Variants in KRCC1 observed in about 807,000 individuals in gnomAD.
KRCC1 encodes the protein lysine-rich coiled-coil protein 1.
A neutral mutation model predicts 7.4 loss-of-function variants in KRCC1; 3 were observed. The ratio of observed to expected loss-of-function variants is 0.40; its 90% confidence interval spans 0.18 to 1.04. The LOEUF is 1.04. Among genes scored for constraint, KRCC1 ranks in the 50% least tolerant of loss-of-function variants. The probability of loss-of-function intolerance (pLI) is 0.33; values close to 1 mark genes in which losing one functional copy is unlikely to be tolerated. For missense variants in KRCC1, 277 were observed against 300.9 expected (o/e 0.92, Z 0.59); for synonymous variants, 102 against 101.6 (o/e 1.00, Z -0.02).
At chr2:88,051,749 G>C (rs536675793) in intron 1 of KRCC1, among the ~76,000 whole-genome samples, 3 of 152,040 alleles carry the variant, frequency 2.0e-5, no homozygotes, top group African/African-American at 7.3e-5. Flanking sequence ...AGCCATTATA[G>C]GTCAAAGTTT....
intron 1 of KRCC1, among the ~76,000 whole-genome samples, chr2:88,046,534 G>A (rs1318727236): frequency 1.3e-5 from 2 of 152,228 alleles, no homozygotes; most frequent in African/African-American, 4.8e-5. Flanking sequence ...CCATAAACAA[G>A]GCAGAAGTAT....
At chr2:88,037,351 T>A (rs1673110750) in intron 1 of KRCC1, among the ~76,000 whole-genome samples, 1 of 152,242 alleles carries the variant, frequency 6.6e-6, no homozygotes, top group South Asian at 2.1e-4. Flanking sequence ...TGGCATTTTA[T>A]GTTTTAAAGC....
chr2:88,036,944 T>A lies in KRCC1; in HGVS notation c.-183A>T, dbSNP rs986141232. The A allele has an allele frequency of 3.3e-5, 5 of 152,176 alleles. No homozygotes were observed. Among genetic ancestry groups the A allele is most frequent in the Non-Finnish European group, 7.3e-5 (5 of 68,032 alleles). The allele number at this position is 152,176 out of a possible 1,614,324, so 9.4% of individuals were successfully genotyped here. Reference sequence around the variant, plus strand: ...ATATTCCTTCTATTTTCAACCTACCTCATAATGCAAAATCCTTTGTTATTT... The same window carrying A: ...ATATTCCTTCTATTTTCAACCTACCACATAATGCAAAATCCTTTGTTATTT... On this transcript the variant is annotated splice_region_variant and 5_prime_UTR_variant, in exon 2 of 4. It introduces an in-frame stop codon into an upstream open reading frame of the 5' UTR. Transcript: ENST00000347055.
At chr2:88,033,867 C>G (rs1185146127) in intron 3 of KRCC1, among the ~76,000 whole-genome samples, 1 of 152,078 alleles carries the variant, frequency 6.6e-6, no homozygotes, top group Non-Finnish European at 1.5e-5. Flanking sequence ...TATGTCCATG[C>G]AAGAAGTTGT....
At chr2:88,042,453 G>C (rs1404074485) in intron 1 of KRCC1, among the ~76,000 whole-genome samples, 1 of 117,714 alleles carries the variant, frequency 8.5e-6, no homozygotes, top group African/African-American at 3.3e-5. Flanking sequence ...TAAAAAACCA[G>C]AGTCCCTGAG....
rs201591817 is a variant in KRCC1, at chr2:88,033,525, C to CA, written c.-23+608dup. On this transcript the variant is annotated intron_variant, in intron 3 of 3. Coordinates refer to ENST00000347055, the MANE Select transcript of KRCC1 (RefSeq NM_016618.3). ...TGGGTGACAGAGAGAGACTCCGTCT[C>CA]AAAAAAAAAAGTCACTAATAAGATT... Among the ~76,000 whole-genome samples the CA allele has an allele frequency of 2.3e-3, 339 of 145,198 alleles. 7 individuals are homozygous for CA. The East Asian group carries it at 0.053, about 23-fold the overall frequency.
At chr2:88,043,539 T>C (rs1198032179) in intron 1 of KRCC1, among the ~76,000 whole-genome samples, 1 of 152,234 alleles carries the variant, frequency 6.6e-6, no homozygotes. Context: ...GTGTTTTCAA[T>C]AAATGCATAT....
At chr2:88,047,616 C>T (rs1673368142) in intron 1 of KRCC1, among the ~76,000 whole-genome samples, 1 of 152,116 alleles carries the variant, frequency 6.6e-6, no homozygotes, top group Non-Finnish European at 1.5e-5. Flanking sequence ...GCAGCCTCCG[C>T]CTCCCAGGCT....
In KRCC1 at chr2:88,049,954, GAT is replaced by G. The variant is rs761576832; in HGVS notation, c.-291+5670_-291+5671del. Among the ~76,000 whole-genome samples, 124 of 152,302 alleles carry G rather than the reference GAT, an allele frequency of 8.1e-4. No individual in the cohort carries two copies. In the Middle Eastern group the frequency reaches 0.01, roughly 13 times the overall value. ...TTATGCAAAACAATGAACTACTCCTGATATCTCAGGAGTCTGACTAATCCATA... is the reference window on the plus strand; with the variant it reads ...TTATGCAAAACAATGAACTACTCCTGATCTCAGGAGTCTGACTAATCCATA... On this transcript the variant is annotated intron_variant, in intron 1 of 3. Coordinates refer to ENST00000347055, the MANE Select transcript of KRCC1 (RefSeq NM_016618.3).
chr2:88,052,970 TGATTTTGAG>T (rs1673529610), intron 1 of KRCC1, among the ~76,000 whole-genome samples: 1 of 152,236 alleles, frequency 6.6e-6, no homozygotes, highest in South Asian at 2.1e-4. Flanking sequence ...TTTGTGACTG[TGATTTTGAG>T]GATTTTAGAC....
chr2:88,044,863 A>ATT (rs11302450), intron 1 of KRCC1, among the ~76,000 whole-genome samples: 2,901 of 105,754 alleles, frequency 0.027, 53 homozygotes, highest in African/African-American at 0.07. Flanking sequence ...GAGTTTGATA[A>ATT]TTTTTTTTTT....
chr2:88,028,461 T>C lies in KRCC1; in HGVS notation c.103A>G (p.Lys35Glu), dbSNP rs959915012. 5.0e-6 allele frequency: 8 copies of C among 1,613,948 alleles called. No homozygotes were observed. The highest frequency in any genetic ancestry group is 2.7e-5 in the African/African-American group (2 of 74,914). ...GTTTCCAAATAGTCCCCTTTCATCT[T>C]TCTGAAACAAGTCTTTGGCTCTAAG... ...RGLEPKTCFR[K>E]MKGDYLETCG... Residue 35 changes from lysine (K) to glutamate (E), a missense_variant, in exon 4 of 4, where the codon AAG becomes GAG. Lys to Glu is a moderately conservative substitution (Grantham distance 56). Coordinates refer to ENST00000347055, the MANE Select transcript of KRCC1 (RefSeq NM_016618.3).
chr2:88,042,219 C>T (rs1161995128), intron 1 of KRCC1, among the ~76,000 whole-genome samples: 1 of 152,062 alleles, frequency 6.6e-6, no homozygotes, highest in African/African-American at 2.4e-5. Flanking sequence ...TGCCACCACA[C>T]CCGGCTAATT....
intron 3 of KRCC1, among the ~76,000 whole-genome samples, chr2:88,031,336 A>T (rs1672986396): frequency 6.6e-6 from 1 of 152,170 alleles, no homozygotes; most frequent in South Asian, 2.1e-4. Flanking sequence ...GAAAAAAAAA[A>T]ATAGGGCCAG....
At chr2:88,048,390 T>C (rs528346176) in intron 1 of KRCC1, among the ~76,000 whole-genome samples, 1 of 152,206 alleles carries the variant, frequency 6.6e-6, no homozygotes, top group Non-Finnish European at 1.5e-5. Flanking sequence ...ACGTATTTTA[T>C]TGAAGTTATC....
At chr2:88,037,214 T>C (rs1044739511) in intron 1 of KRCC1, among the ~76,000 whole-genome samples, 163 bp from the exon 2 acceptor site, 2 of 152,220 alleles carry the variant, frequency 1.3e-5, no homozygotes, top group African/African-American at 4.8e-5. Flanking sequence ...ACAATTTTAA[T>C]ATGAAAATAT....
intron 1 of KRCC1, among the ~76,000 whole-genome samples, chr2:88,040,302 T>A (rs761468911): frequency 3.9e-5 from 6 of 152,178 alleles, no homozygotes; most frequent in Non-Finnish European, 5.9e-5. Flanking sequence ...TCCTCCTGAG[T>A]CATGTCTGTT....
chr2:88,040,586 A>C lies in KRCC1; in HGVS notation c.-290-3535T>G, dbSNP rs1673189552. On this transcript the variant is annotated intron_variant, in intron 1 of 3. Transcript: ENST00000347055. ...AGATTAGGATATTGGGATTTAAAGA[A>C]ATTAAAATATGTTGCCACATGTGCT... 2.0e-5 allele frequency among the ~76,000 whole-genome samples: 3 copies of C among 152,362 alleles called. 1 individual carries two copies. In the South Asian group the frequency reaches 6.2e-4, roughly 32 times the overall value.
intron 1 of KRCC1, among the ~76,000 whole-genome samples, chr2:88,039,270 TATCTTCAAACTA>T (rs1673155272): frequency 6.6e-6 from 1 of 152,232 alleles, no homozygotes; most frequent in South Asian, 2.1e-4. Context: ...TTATACTGGG[TATCTTCAAACTA>T]ATCTTAATAT....
Sources: allele counts gnomAD v4.1 joint callset (sites outside exome capture counted in the v4.1 genomes callset), GRCh38; gene constraint gnomAD v4.1.1; transcripts MANE v1.5; gene names NCBI Gene and HGNC (gene_info 2026-07-23, HGNC 2026-07-21).